HIPK2: variants seen among roughly 807,000 people sequenced by gnomAD.
HIPK2 encodes homeodomain interacting protein kinase 2.
Under a neutral mutation model 113.7 loss-of-function variants are expected in HIPK2, and 27 were observed. That is an observed-to-expected ratio of 0.24 (90% CI 0.17 to 0.33). The LOEUF (loss-of-function observed/expected upper bound fraction) is 0.33, where lower values mean the gene tolerates loss of function less well. HIPK2 is among the 10% of genes least tolerant of loss of function. HIPK2 has a pLI of 1.00. For synonymous variants in HIPK2, 631 were observed against 642.2 expected (o/e 0.98, Z 0.26); for missense variants, 1,257 against 1,588.0 (o/e 0.79, Z 3.54).
intron 2 of HIPK2, among the ~76,000 whole-genome samples, chr7:139,668,357 C>G (rs1410976302): frequency 6.6e-6 from 1 of 151,934 alleles, no homozygotes; most frequent in Non-Finnish European, 1.5e-5. Context: ...GTCAGGAGAT[C>G]AAGACCATCC....
intron 1 of HIPK2, among the ~76,000 whole-genome samples, chr7:139,737,567 C>G (rs1476644364): frequency 2.0e-5 from 3 of 152,220 alleles, no homozygotes; most frequent in Non-Finnish European, 4.4e-5. Context: ...GCCCACCTTT[C>G]TCCTGGACTG....
At chr7:139,705,510 G>A (rs1456197859) in intron 2 of HIPK2, among the ~76,000 whole-genome samples, 1 of 152,046 alleles carries the variant, frequency 6.6e-6, no homozygotes, top group East Asian at 1.9e-4. Context: ...CTGAGTAGCT[G>A]GGACTACAGG....
At chr7:139,710,978 C>T (rs545244684) in intron 2 of HIPK2, among the ~76,000 whole-genome samples, 4 of 151,372 alleles carry the variant, frequency 2.6e-5, no homozygotes, top group Middle Eastern at 3.2e-3. Flanking sequence ...CTATACACCC[C>T]GCAGAACTGT....
At chr7:139,757,350 T>C (rs1038957592) in intron 1 of HIPK2, among the ~76,000 whole-genome samples, 2 of 152,198 alleles carry the variant, frequency 1.3e-5, no homozygotes, top group Non-Finnish European at 2.9e-5. Context: ...CCTAGAAGTA[T>C]ATTAAATCCA....
At chr7:139,583,695 G>T (rs927522111) in intron 13 of HIPK2, 122 bp downstream of exon 13, 5 of 1,405,554 alleles carry the variant, frequency 3.6e-6, no homozygotes, top group African/African-American at 1.4e-5. Context: ...GGTAAGGGTC[G>T]CCTGCAGTCA....
intron 1 of HIPK2, among the ~76,000 whole-genome samples, chr7:139,756,246 G>C (rs993584842): frequency 1.3e-5 from 2 of 152,120 alleles, no homozygotes; most frequent in African/African-American, 4.8e-5. Context: ...AAACACACAC[G>C]ATCTGATTTA....
At chr7:139,649,161 C>T (rs1444606458) in intron 2 of HIPK2, among the ~76,000 whole-genome samples, 4 of 152,158 alleles carry the variant, frequency 2.6e-5, no homozygotes, top group African/African-American at 9.7e-5. Context: ...ATTACCACCC[C>T]TCCCACAGAC....
chr7:139,681,896 A>T (rs957793310), intron 2 of HIPK2, among the ~76,000 whole-genome samples: 2 of 152,138 alleles, frequency 1.3e-5, no homozygotes, highest in African/African-American at 2.4e-5. Context: ...CTAGGACAGC[A>T]TCTCCCCTGG....
intron 12 of HIPK2, among the ~76,000 whole-genome samples, chr7:139,591,308 G>A (rs908797692): frequency 2.0e-5 from 3 of 152,144 alleles, no homozygotes; most frequent in Admixed American, 6.5e-5. Context: ...TAGTCACCTC[G>A]TCCTTGTCCC....
At chr7:139,685,620 G>A (rs147357295) in intron 2 of HIPK2, among the ~76,000 whole-genome samples, 182 of 152,312 alleles carry the variant, frequency 1.2e-3, no homozygotes, top group African/African-American at 4.0e-3. Context: ...ACTTTAAGTC[G>A]AAGCCAGTGC....
chr7:139,578,040 C>T (rs1270689897), intron 13 of HIPK2, among the ~76,000 whole-genome samples: 2 of 151,140 alleles, frequency 1.3e-5, no homozygotes, highest in Admixed American at 6.6e-5. Flanking sequence ...GACAGAGTCT[C>T]GCTCTGTCGC....
At chr7:139,744,238 C>A (rs868714597) in intron 1 of HIPK2, among the ~76,000 whole-genome samples, 1 of 152,170 alleles carries the variant, frequency 6.6e-6, no homozygotes, top group South Asian at 2.1e-4. Flanking sequence ...TTTGGCAATA[C>A]AAAGCAATGA....
chr7:139,765,123 G>C (rs938957244), intron 1 of HIPK2, among the ~76,000 whole-genome samples: 1 of 149,238 alleles, frequency 6.7e-6, no homozygotes, highest in African/African-American at 2.5e-5. Context: ...ATGACAGAGC[G>C]AGACTCTGTC....
chr7:139,650,115 C>T (rs1471353008), intron 2 of HIPK2, among the ~76,000 whole-genome samples: 1 of 152,084 alleles, frequency 6.6e-6, no homozygotes, highest in Non-Finnish European at 1.5e-5. Flanking sequence ...TTTGGGATGC[C>T]AAGGCAGGCA....
intron 1 of HIPK2, among the ~76,000 whole-genome samples, chr7:139,717,568 T>G (rs1795285703): frequency 6.6e-6 from 1 of 152,208 alleles, no homozygotes; most frequent in Admixed American, 6.5e-5. Flanking sequence ...TAGGGTTTAG[T>G]GGATCAGCAG....
At chr7:139,595,574 C>T (rs1799177853) in intron 12 of HIPK2, among the ~76,000 whole-genome samples, 1 of 152,108 alleles carries the variant, frequency 6.6e-6, no homozygotes, top group African/African-American at 2.4e-5. Context: ...CTCTGAAATA[C>T]AATGACAATT....
chr7:139,655,849 G>C lies in HIPK2; in HGVS notation c.1104-24124C>G, dbSNP rs966939592. On this transcript the variant is annotated intron_variant, in intron 2 of 14. Transcript: ENST00000406875. ...CTCAGGGTGGGGAGGCAAGTCAGGAGGCCTATATGATAATTGGATGATCAT... is the reference window on the plus strand; with the variant it reads ...CTCAGGGTGGGGAGGCAAGTCAGGACGCCTATATGATAATTGGATGATCAT... Among the ~76,000 whole-genome samples the C allele has an allele frequency of 2.0e-5, 3 of 152,150 alleles. No homozygotes were observed. The East Asian group carries it at 5.8e-4, about 29-fold the overall frequency.
intron 12 of HIPK2, among the ~76,000 whole-genome samples, chr7:139,589,496 T>C (rs1798945759): frequency 6.6e-6 from 1 of 152,202 alleles, no homozygotes; most frequent in South Asian, 2.1e-4. Context: ...TTGGGCATAT[T>C]TGGAGCTCTT....
At chr7:139,607,763 A>G (rs929857256) in intron 9 of HIPK2, among the ~76,000 whole-genome samples, 1 of 152,112 alleles carries the variant, frequency 6.6e-6, no homozygotes, top group African/African-American at 2.4e-5. Flanking sequence ...TGAAAGGAGG[A>G]ACAGGAGAGA....
Sources: allele counts gnomAD v4.1 joint callset (sites outside exome capture counted in the v4.1 genomes callset), GRCh38; gene constraint gnomAD v4.1.1; transcripts MANE v1.5; gene names NCBI Gene and HGNC (gene_info 2026-07-23, HGNC 2026-07-21).